TENM1: variants seen among roughly 807,000 people sequenced by gnomAD.
The protein encoded by TENM1 is teneurin transmembrane protein 1.
TENM1 carries 35 observed loss-of-function variants against 174.8 expected under a neutral mutation model. The observed-to-expected ratio is 0.20, with a 90% CI of 0.15 to 0.27. TENM1 has a LOEUF of 0.27. TENM1 is among the 10% of genes least tolerant of loss of function. TENM1 has a pLI of 1.00. For synonymous variants in TENM1, 781 were observed against 798.7 expected (o/e 0.98, Z 0.37); for missense variants, 1,633 against 2,130.1 (o/e 0.77, Z 4.59).
At chrX:125,155,000 G>T in the TENM1 span, among the ~76,000 whole-genome samples, 1 of 111,661 alleles carries the variant, frequency 9.0e-6, no homozygotes, top group African/African-American at 3.3e-5. Context: ...CGTGGAAGGG[G>T]ACCCAAGCGG....
At chrX:124,511,497 A>G (rs1329866735) in intron 18 of TENM1, among the ~76,000 whole-genome samples, 1 of 111,155 alleles carries the variant, frequency 9.0e-6, no homozygotes, top group East Asian at 2.8e-4. Flanking sequence ...AAAGGCATAC[A>G]CAACTCAGGA....
At chrX:124,600,819 T>C (rs192754136) in intron 11 of TENM1, among the ~76,000 whole-genome samples, 1 of 111,705 alleles carries the variant, frequency 9.0e-6, no homozygotes, top group African/African-American at 3.2e-5. Flanking sequence ...TGAAGGAGAC[T>C]AGAGGGCATG....
chrX:124,612,961 T>TGAA (rs2050313156), intron 11 of TENM1, among the ~76,000 whole-genome samples: 1 of 111,488 alleles, frequency 9.0e-6, no homozygotes, highest in Non-Finnish European at 1.9e-5. Flanking sequence ...TTACCAGTCC[T>TGAA]GCAATCTATT....
the TENM1 span, among the ~76,000 whole-genome samples, chrX:125,087,235 T>C: frequency 2.7e-5 from 3 of 111,127 alleles, no homozygotes; most frequent in Non-Finnish European, 5.7e-5. Context: ...AAGTTACTAT[T>C]AGAATATAAC....
the TENM1 span, among the ~76,000 whole-genome samples, chrX:125,150,153 A>G: frequency 8.9e-6 from 1 of 111,835 alleles, no homozygotes; most frequent in Non-Finnish European, 1.9e-5. Flanking sequence ...GCAAGTCCAA[A>G]ATGGTGGTTA....
At chrX:125,009,218 A>G in the TENM1 span, among the ~76,000 whole-genome samples, 2 of 109,274 alleles carry the variant, frequency 1.8e-5, no homozygotes, top group African/African-American at 6.7e-5. Context: ...CACTGCCCCC[A>G]CAGAAATACA....
intron 3 of TENM1, among the ~76,000 whole-genome samples, chrX:124,863,398 G>A (rs901235384): frequency 9.0e-6 from 1 of 110,955 alleles, no homozygotes; most frequent in African/African-American, 3.3e-5. Flanking sequence ...TGCTCTAAAG[G>A]TTGAGTTCCA....
intron 10 of TENM1, among the ~76,000 whole-genome samples, chrX:124,642,687 A>G (rs1466092226): frequency 2.7e-5 from 3 of 111,626 alleles, no homozygotes; most frequent in African/African-American, 9.8e-5. Flanking sequence ...GTGAGTCTGG[A>G]AATTTTTGTA....
At position 124,681,784 on chromosome X, in the gene TENM1, T is replaced by C. The variant is rs763391774; in HGVS notation, c.1016-9949A>G. On this transcript the variant is annotated intron_variant, in intron 5 of 31. Transcript: ENST00000422452. ...TAACAACATCTGCATAAGGTTGTTGTGAACACTAAATGAGTCAGTATATGT... is the reference window on the plus strand; with the variant it reads ...TAACAACATCTGCATAAGGTTGTTGCGAACACTAAATGAGTCAGTATATGT... Among the ~76,000 whole-genome samples the C allele has an allele frequency of 7.1e-5, 8 of 111,896 alleles. No individual in the cohort carries two copies. In the Admixed American group the frequency reaches 7.6e-4, roughly 11 times the overall value.
upstream of TENM1, among the ~76,000 whole-genome samples, chrX:124,966,432 G>A (rs755407731): frequency 6.3e-5 from 7 of 111,163 alleles, no homozygotes; most frequent in East Asian, 5.6e-4. Context: ...GGAGGCCGAG[G>A]CGGGCGGATC....
At chrX:125,095,988 C>G in the TENM1 span, among the ~76,000 whole-genome samples, 1 of 111,713 alleles carries the variant, frequency 9.0e-6, no homozygotes, top group African/African-American at 3.3e-5. Context: ...AAATTTTTTA[C>G]TAATTTGGGA....
intron 22 of TENM1, among the ~76,000 whole-genome samples, chrX:124,471,935 G>T (rs931894972): frequency 3.7e-5 from 4 of 106,750 alleles, no homozygotes; most frequent in Admixed American, 1.1e-4. Context: ...GTTTGGGGGA[G>T]CAGGTGGGAG....
chrX:124,771,385 T>G (rs920583350), intron 3 of TENM1, among the ~76,000 whole-genome samples: 1 of 112,491 alleles, frequency 8.9e-6, no homozygotes, highest in Admixed American at 9.4e-5. Flanking sequence ...TATAGTATAG[T>G]GAAAGACATT....
At chrX:124,771,552 T>C (rs2054654433) in intron 3 of TENM1, among the ~76,000 whole-genome samples, 1 of 112,539 alleles carries the variant, frequency 8.9e-6, no homozygotes, top group Admixed American at 9.4e-5. Flanking sequence ...GAAGGCAGGA[T>C]GAATTAGTCC....
chrX:124,950,116 A>C (rs2058461169), intron 1 of TENM1, among the ~76,000 whole-genome samples: 1 of 111,149 alleles, frequency 9.0e-6, no homozygotes, highest in Non-Finnish European at 1.9e-5. Flanking sequence ...TCATTTATTC[A>C]ACTCAATTCA....
chrX:124,676,081 G>A (rs1158836415), intron 5 of TENM1, among the ~76,000 whole-genome samples: 8 of 104,114 alleles, frequency 7.7e-5, no homozygotes, highest in Non-Finnish European at 1.4e-4. Flanking sequence ...ACCTCAGTAC[G>A]CTAGCCAACT....
At chrX:124,617,407 G>C (rs2148320442) in intron 11 of TENM1, among the ~76,000 whole-genome samples, 1 of 111,973 alleles carries the variant, frequency 8.9e-6, no homozygotes, top group East Asian at 2.8e-4. Flanking sequence ...AGCTGAAGCA[G>C]AGGGAAATTG....
chrX:124,577,929 ATT>A (rs1176852671), intron 11 of TENM1, among the ~76,000 whole-genome samples: 8 of 99,158 alleles, frequency 8.1e-5, no homozygotes, highest in Admixed American at 1.1e-4. Context: ...TGATTTCACT[ATT>A]TTTTTTTTTT....
intron 3 of TENM1, among the ~76,000 whole-genome samples, chrX:124,754,369 C>A (rs187667668): frequency 3.0e-4 from 33 of 111,036 alleles, no homozygotes; most frequent in Non-Finnish European, 4.3e-4. Context: ...CTATTTGATT[C>A]TTCTCTCTTT....
Sources: gnomAD v4.1 joint callset for allele counts (sites outside exome capture counted in the v4.1 genomes callset) on GRCh38, gnomAD v4.1.1 for gene constraint, MANE v1.5 for transcripts, NCBI Gene and HGNC (gene_info 2026-07-23, HGNC 2026-07-21) for gene names.